SEC16B: variants seen among roughly 807,000 people sequenced by gnomAD.
SEC16B encodes protein transport protein Sec16B.
Under a neutral mutation model 141.8 loss-of-function variants are expected in SEC16B, and 115 were observed. That is an observed-to-expected ratio of 0.81 (90% CI 0.70 to 0.95). The LOEUF (loss-of-function observed/expected upper bound fraction) is 0.95, where lower values mean the gene tolerates loss of function less well. Among genes scored for constraint, SEC16B ranks in the 40% least tolerant of loss-of-function variants. The pLI is 0.00. For missense variants in SEC16B, 1,291 were observed against 1,312.3 expected, an observed-to-expected ratio of 0.98 and a Z score of 0.25; for synonymous variants, 493 against 492.5, an observed-to-expected ratio of 1.00 and a Z score of -0.01.
At chr1:177,952,890 C>G (rs1048645383) in intron 11 of SEC16B, among the ~76,000 whole-genome samples, 2 of 152,128 alleles carry the variant, frequency 1.3e-5, no homozygotes, top group African/African-American at 4.8e-5. Context: ...CACCAGTCTC[C>G]AGGAAGACTG....
rs1268330756 is a variant in SEC16B, at chr1:177,965,597, T to G, written c.412+296A>C. Among the ~76,000 whole-genome samples, 2 of 152,202 alleles carry G rather than the reference T, an allele frequency of 1.3e-5. 1 individual carries two copies. Among genetic ancestry groups the G allele is most frequent in the Non-Finnish European group, 2.9e-5 (2 of 68,032 alleles). Reference sequence around the variant, plus strand: ...CTTAAGAACTGACTTCACTGTTACTTGGTCAAAGACTATATAATCTGGGCT... The same window carrying G: ...CTTAAGAACTGACTTCACTGTTACTGGGTCAAAGACTATATAATCTGGGCT... On this transcript the variant is annotated intron_variant, in intron 3 of 25. Coordinates refer to ENST00000308284, the MANE Select transcript of SEC16B (RefSeq NM_033127.4).
At chr1:177,958,453 C>T (rs1274525359) in intron 9 of SEC16B, 91 bp from the exon 10 acceptor site, 1 of 1,058,870 alleles carries the variant, frequency 9.4e-7, no homozygotes, top group Non-Finnish European at 1.3e-6. Context: ...GGGAGCCTGC[C>T]TTCTTCACAT....
At position 177,932,686 on chromosome 1, in the gene SEC16B, A is replaced by G. The variant is rs1650530436; in HGVS notation, c.2932+12T>C. ...GACCACCCATGGCCCAGAGGACGTG[A>G]GGTGACGGTACCTCTGCCCCTGGAG... On this transcript the variant is annotated intron_variant, in intron 23 of 25. Transcript: ENST00000308284. 2 of 1,564,836 alleles carry G rather than the reference A, an allele frequency of 1.3e-6. No homozygotes were observed. Among genetic ancestry groups the G allele is most frequent in the Non-Finnish European group, 1.7e-6 (2 of 1,156,322 alleles).
chr1:177,965,300 A>G, intron 3 of SEC16B, 133 bp from the exon 4 acceptor site: 1 of 1,097,588 alleles, frequency 9.1e-7, no homozygotes, highest in Non-Finnish European at 1.3e-6. Flanking sequence ...AATTGAAAAA[A>G]TAGATAGGTG....
rs183933934 is a variant in SEC16B at position 177,946,375 on chromosome 1, C to T, written c.1775+45G>A. On this transcript the variant is annotated intron_variant, in intron 14 of 25. Coordinates refer to ENST00000308284, the MANE Select transcript of SEC16B (RefSeq NM_033127.4). ...AAACCCAACAAGGGCTAAAACAGTC[C>T]CTTGGAAAATGTCCTTACTGTTTCC... 7.3e-5 allele frequency: 100 copies of T among 1,370,298 alleles called. No individual in the cohort carries two copies. The East Asian group carries it at 2.3e-3, about 31-fold the overall frequency. The allele number at this position is 1,370,298 out of a possible 1,614,324, so 84.9% of individuals were successfully genotyped here.
intron 24 of SEC16B, among the ~76,000 whole-genome samples, chr1:177,931,924 G>A (rs1419125705): frequency 6.6e-6 from 1 of 151,918 alleles, no homozygotes; most frequent in Non-Finnish European, 1.5e-5. Flanking sequence ...CTGGGACAGG[G>A]AAAAAGGCAA....
chr1:177,960,652 G>T (rs1652985943), intron 7 of SEC16B, 139 bp downstream of exon 7: 4 of 908,004 alleles, frequency 4.4e-6, no homozygotes, highest in Admixed American at 5.5e-5. Flanking sequence ...TAATCCAGGG[G>T]GTACATGGCC....
intron 18 of SEC16B, among the ~76,000 whole-genome samples, 184 bp from the exon 19 acceptor site, chr1:177,937,697 T>C (rs1215385826): frequency 2.6e-5 from 4 of 152,166 alleles, no homozygotes; most frequent in African/African-American, 9.7e-5. Context: ...CTCATTGCTG[T>C]TTACAGAATT....
chr1:177,941,796 G>A, intron 16 of SEC16B, 104 bp downstream of exon 16: 2 of 1,337,362 alleles, frequency 1.5e-6, no homozygotes, highest in Middle Eastern at 2.0e-4. Context: ...CCAATTTTAT[G>A]GCATGTTCAA....
intron 20 of SEC16B, among the ~76,000 whole-genome samples, chr1:177,933,905 A>G (rs529966150): frequency 3.9e-5 from 6 of 152,100 alleles, no homozygotes; most frequent in African/African-American, 1.4e-4. Flanking sequence ...TTTCAGAACT[A>G]TGCCAAGGCC....
chr1:177,961,699 C>T lies in SEC16B; in HGVS notation c.678G>A (p.Gln226=), dbSNP rs1368512285. Reference sequence around the variant, plus strand: ...TGCTGGAGCTGAGACCAGACTCACGCTGCTGGAGAAGGTTGGACTCACTAG... The same window carrying T: ...TGCTGGAGCTGAGACCAGACTCACGTTGCTGGAGAAGGTTGGACTCACTAG... ...SLASESNLLQ[Q]RESGLSSSSY... is the part of the protein sequence containing the mutation. The change falls in exon 6 of 26, where the codon CAG becomes CAA. Residue 226 remains glutamine, a synonymous_variant. Coordinates refer to ENST00000308284, the MANE Select transcript of SEC16B (RefSeq NM_033127.4). 1 of 1,613,830 alleles carries T rather than the reference C, an allele frequency of 6.2e-7. No homozygotes were observed. Among genetic ancestry groups the T allele is most frequent in the Non-Finnish European group, 8.5e-7 (1 of 1,179,880 alleles).
chr1:177,964,311 G>A (rs1188606311), intron 4 of SEC16B, 32 bp from the exon 5 acceptor site: 5 of 1,527,598 alleles, frequency 3.3e-6, no homozygotes, highest in African/African-American at 1.4e-5. Context: ...AGTGAGCGGG[G>A]TCCTGGGCAA....
intron 20 of SEC16B, among the ~76,000 whole-genome samples, chr1:177,934,357 A>C (rs527401353): frequency 9.9e-5 from 15 of 152,088 alleles, no homozygotes; most frequent in Non-Finnish European, 2.9e-5. Context: ...GAATTTGCCT[A>C]TTCTATGTAT....
chr1:177,933,621 T>C lies in SEC16B; in HGVS notation c.2587A>G (p.Arg863Gly). Residue 863 changes from arginine to glycine, a missense_variant, in exon 21 of 26, where the codon AGA becomes GGA. By Grantham distance (125) the Arg-to-Gly change is moderately radical (BLOSUM62 -2). Around this residue, in one of 3 missense-constraint regions of SEC16B, gnomAD observed 605 missense variants for 614.1 expected, o/e 0.99. Coordinates refer to ENST00000308284, the MANE Select transcript of SEC16B (RefSeq NM_033127.4). ...GAACTCTCAGAAATACTTCGTGGTC[T>C]AGCAGCCAATGGTGTCTGGAATTAA... The part of the protein sequence containing the change: ...ISKPQTPLAA[R>G]PRSISESSAS... 6.2e-7 allele frequency: 1 copy of C among 1,613,962 alleles called. No homozygotes were observed. The highest frequency in any genetic ancestry group is 8.5e-7 in the Non-Finnish European group (1 of 1,179,808).
chr1:177,937,107 C>A, intron 19 of SEC16B, 107 bp downstream of exon 19: 1 of 1,287,370 alleles, frequency 7.8e-7, no homozygotes, highest in Non-Finnish European at 1.0e-6. Context: ...TGTGTCTTTC[C>A]CAGCTCCAAC....
chr1:177,960,243 TCCAAGGAAACC>T, intron 8 of SEC16B, 88 bp downstream of exon 8: 1 of 809,738 alleles, frequency 1.2e-6, no homozygotes, highest in Non-Finnish European at 2.1e-6. Flanking sequence ...GATATTTTTT[TCCAAGGAAACC>T]AAGAACAAAT....
At chr1:177,943,593 T>C (rs936458860) in intron 15 of SEC16B, among the ~76,000 whole-genome samples, 1 of 152,112 alleles carries the variant, frequency 6.6e-6, no homozygotes, top group African/African-American at 2.4e-5. Flanking sequence ...CGCTGGAAAA[T>C]GTCTCTACCT....
chr1:177,942,477 G>C (rs1651355735), intron 15 of SEC16B, among the ~76,000 whole-genome samples: 2 of 152,104 alleles, frequency 1.3e-5, no homozygotes, highest in Admixed American at 6.5e-5. Context: ...AGACCAGCCT[G>C]GCCAACATGA....
intron 1 of SEC16B, among the ~76,000 whole-genome samples, chr1:177,982,177 T>C (rs1654445261): frequency 6.6e-6 from 1 of 152,002 alleles, no homozygotes; most frequent in Non-Finnish European, 1.5e-5. Context: ...ATAGGGTTGG[T>C]GAAAGGGTCA....
Sources: gnomAD v4.1 joint callset for allele counts (sites outside exome capture counted in the v4.1 genomes callset) on GRCh38, gnomAD v4.1.1 for gene constraint, gnomAD v4.1.1 regional missense constraint, MANE v1.5 for transcripts, NCBI Gene and HGNC (gene_info 2026-07-23, HGNC 2026-07-21) for gene names.